The following SNX2 variants were observed in gnomAD, a reference collection of about 807,000 sequenced individuals.
SNX2 encodes the protein sorting nexin-2.
In SNX2, 25 loss-of-function variants were observed where a neutral mutation model predicts 69.9. The observed-to-expected ratio is 0.36, with a 90% confidence interval of 0.26 to 0.50. SNX2 has a LOEUF of 0.50. Ranked by LOEUF, SNX2 falls within the 20% of genes least tolerant of loss-of-function variation. The probability of loss-of-function intolerance (pLI) is 0.97; values close to 1 mark genes in which losing one functional copy is unlikely to be tolerated. For synonymous variants in SNX2, 229 were observed against 200.4 expected, an observed-to-expected ratio of 1.14 and a Z score of -1.20; for missense variants, 551 against 613.3, an observed-to-expected ratio of 0.90 and a Z score of 1.07.
chr5:122,806,142 G>GCGCACGCTCACACACACACACACACACA, intron 6 of SNX2, among the ~76,000 whole-genome samples: 1 of 130,656 alleles, frequency 7.7e-6, no homozygotes, highest in African/African-American at 2.9e-5. Context: ...ACACGCGCGC[G>GCGCACGCTCACACACACACACACACACA]CACACACACA....
At chr5:122,821,929 T>G (rs1192118566) in intron 11 of SNX2, among the ~76,000 whole-genome samples, 1 of 152,202 alleles carries the variant, frequency 6.6e-6, no homozygotes, top group African/African-American at 2.4e-5. Context: ...TCAATAAGTA[T>G]TGCCAAATTA....
At chr5:122,789,206 C>CACCA (rs769357486) in intron 1 of SNX2, among the ~76,000 whole-genome samples, 1 of 152,120 alleles carries the variant, frequency 6.6e-6, no homozygotes, top group Non-Finnish European at 1.5e-5. Context: ...CTCATGCAGG[C>CACCA]ACCACTCAGG....
chr5:122,806,757 C>T (rs1465630566), intron 6 of SNX2, among the ~76,000 whole-genome samples: 1 of 152,000 alleles, frequency 6.6e-6, no homozygotes, highest in Admixed American at 6.6e-5. Context: ...TGAAACAATT[C>T]ACATCCCAAT....
At chr5:122,789,439 A>G (rs1346268578) in intron 1 of SNX2, among the ~76,000 whole-genome samples, 4 of 73,514 alleles carry the variant, frequency 5.4e-5, no homozygotes, top group Non-Finnish European at 7.3e-5. Context: ...CCACACACAC[A>G]CATACACACA....
In SNX2 at chr5:122,795,344, G is replaced by A. The variant is rs1442967487; in HGVS notation, c.187G>A (p.Glu63Lys). The change falls in exon 2 of 15, where the codon GAA (glutamate) becomes AAA (lysine). Residue 63 changes from glutamate (E) to lysine (K), a missense_variant. Transcript: ENST00000379516. ...SANSNGPKPT[E>K]VVLDDDREDL... The stretch of plus-strand genomic sequence containing the variant: ...AAACTCCAATGGCCCAAAACCCACA[G>A]AAGTTGTATTAGATGATGACAGAGA... 1 of 1,613,616 alleles carries A rather than the reference G, an allele frequency of 6.2e-7. No homozygotes were observed. Among genetic ancestry groups the A allele is most frequent in the Non-Finnish European group, 8.5e-7 (1 of 1,179,692 alleles).
intron 1 of SNX2, among the ~76,000 whole-genome samples, chr5:122,788,560 A>AC (rs112261952): frequency 5.9e-5 from 9 of 152,216 alleles, no homozygotes; most frequent in Admixed American, 2.6e-4. Flanking sequence ...TTTTCTCAGG[A>AC]GAAGTTATCT....
Position 122,775,190 on chromosome 5 carries a change from C to A in SNX2, c.87C>A (p.Thr29=). 1 of 1,588,724 alleles carries A rather than the reference C, an allele frequency of 6.3e-7. No homozygotes were observed. The highest frequency in any genetic ancestry group is 8.6e-7 in the Non-Finnish European group (1 of 1,169,162). The change falls in exon 1 of 15, where the codon ACC becomes ACA. Residue 29 remains threonine, a synonymous_variant. Coordinates refer to ENST00000379516, the MANE Select transcript of SNX2 (RefSeq NM_003100.4). ...TGGAGGACGGAGAGGACCTGTTCAC[C>A]AGCACTGTCTCCACCCTAGAGGTGA... is the stretch of plus-strand genomic sequence containing the variant. ...EDLEDGEDLF[T]STVSTLESSP...
intron 1 of SNX2, among the ~76,000 whole-genome samples, chr5:122,793,945 C>T (rs187988463): frequency 6.8e-6 from 1 of 147,442 alleles, no homozygotes; most frequent in African/African-American, 2.5e-5. Flanking sequence ...CTGGTTTTAA[C>T]TATTGTAATA....
chr5:122,780,038 T>C (rs1365178997), intron 1 of SNX2, among the ~76,000 whole-genome samples: 2 of 152,192 alleles, frequency 1.3e-5, no homozygotes, highest in African/African-American at 4.8e-5. Context: ...TATTCAGAAG[T>C]CTTATAATGC....
At chr5:122,812,189 A>G (rs915149546) in intron 7 of SNX2, among the ~76,000 whole-genome samples, 3 of 152,052 alleles carry the variant, frequency 2.0e-5, no homozygotes, top group African/African-American at 7.2e-5. Context: ...GATCATTTTA[A>G]CCCCTCCCCA....
At chr5:122,803,680 T>G in intron 6 of SNX2, 67 bp downstream of exon 6, 1 of 1,280,732 alleles carries the variant, frequency 7.8e-7, no homozygotes, top group Non-Finnish European at 1.1e-6. Context: ...CTGTATAGAT[T>G]TGTGGATTTC....
chr5:122,819,314 T>C (rs2150015408), intron 11 of SNX2, among the ~76,000 whole-genome samples: 1 of 152,348 alleles, frequency 6.6e-6, no homozygotes, highest in Admixed American at 6.5e-5. Context: ...AGCATTTGTT[T>C]GCTCGTTCTA....
At chr5:122,775,689 T>A (rs1403452937) in intron 1 of SNX2, 13 of 986,058 alleles carry the variant, frequency 1.3e-5, no homozygotes, top group African/African-American at 1.7e-5. Context: ...ATGGGTGCAC[T>A]TTCCCAGGAA....
chr5:122,819,074 ATT>A, intron 11 of SNX2, 51 bp downstream of exon 11: 5 of 1,420,814 alleles, frequency 3.5e-6, no homozygotes, highest in Non-Finnish European at 4.9e-6. Context: ...TTTAAAAAGT[ATT>A]TTGTTTCCTA....
In SNX2 at chr5:122,816,849, T is replaced by C. The variant is rs1397584298; in HGVS notation, c.799-66T>C. 4.8e-6 allele frequency: 4 copies of C among 830,172 alleles called. No homozygotes were observed. In the East Asian group the frequency reaches 1.1e-4, roughly 22 times the overall value. The allele number at this position is 830,172 out of a possible 1,614,324, so 51.4% of individuals were successfully genotyped here. ...GAGGGGGGAGGAGGGGGGATCACTT[T>C]TGTGCCTAGTTAAACCTCCAGGCTT... On this transcript the variant is annotated intron_variant, in intron 8 of 14. Transcript: ENST00000379516.
intron 1 of SNX2, among the ~76,000 whole-genome samples, chr5:122,782,621 C>T (rs1438699872): frequency 6.6e-6 from 1 of 151,988 alleles, no homozygotes; most frequent in Non-Finnish European, 1.5e-5. Context: ...ACTGCAACCT[C>T]CACCTCCCCA....
At chr5:122,800,551 T>C (rs1029185266) in intron 3 of SNX2, among the ~76,000 whole-genome samples, 14 of 152,026 alleles carry the variant, frequency 9.2e-5, no homozygotes, top group Non-Finnish European at 2.1e-4. Flanking sequence ...AGGGTAGTGG[T>C]TATGTTGGCA....
intron 1 of SNX2, among the ~76,000 whole-genome samples, chr5:122,790,937 C>T (rs1325069883): frequency 6.6e-6 from 1 of 152,100 alleles, no homozygotes; most frequent in African/African-American, 2.4e-5. Flanking sequence ...TTGTCTTGTT[C>T]CTGATCTTAC....
intron 1 of SNX2, among the ~76,000 whole-genome samples, chr5:122,779,154 G>A (rs1395189784): frequency 6.6e-6 from 1 of 152,150 alleles, no homozygotes; most frequent in Non-Finnish European, 1.5e-5. Flanking sequence ...AAAAACATCT[G>A]TGTTGAGATA....
Sources: gnomAD v4.1 joint callset for allele counts (sites outside exome capture counted in the v4.1 genomes callset) on GRCh38, gnomAD v4.1.1 for gene constraint, MANE v1.5 for transcripts, NCBI Gene and HGNC (gene_info 2026-07-23, HGNC 2026-07-21) for gene names.